The following TCP11L1 variants were observed in gnomAD, a reference collection of about 807,000 sequenced individuals.
TCP11L1 encodes the protein t-complex 11 like 1.
A neutral mutation model predicts 48.9 loss-of-function variants in TCP11L1; 28 were observed. The observed-to-expected ratio is 0.57, with a 90% CI of 0.42 to 0.78. The LOEUF (loss-of-function observed/expected upper bound fraction) is 0.78. Among genes scored for constraint, TCP11L1 ranks in the 30% least tolerant of loss-of-function variants. TCP11L1 has a pLI of 0.00. For missense variants in TCP11L1, 505 were observed against 613.4 expected (o/e 0.82, Z 1.87); for synonymous variants, 204 against 231.9 (o/e 0.88, Z 1.09).
intron 6 of TCP11L1, among the ~76,000 whole-genome samples, chr11:33,060,361 G>C (rs977277987): frequency 6.6e-6 from 1 of 152,140 alleles, no homozygotes; most frequent in Non-Finnish European, 1.5e-5. Flanking sequence ...GGGGGGTTAC[G>C]GAGAATATTA....
chr11:33,064,019 CCTTAGATACCCCTG>C (rs1854539469), intron 7 of TCP11L1, among the ~76,000 whole-genome samples: 1 of 152,110 alleles, frequency 6.6e-6, no homozygotes, highest in African/African-American at 2.4e-5. Flanking sequence ...CTTCCCCAGG[CCTTAGATACCCCTG>C]CTTCTTCATC....
At chr11:33,071,994 C>T (rs1005137044) in intron 9 of TCP11L1, among the ~76,000 whole-genome samples, 2 of 152,042 alleles carry the variant, frequency 1.3e-5, no homozygotes, top group African/African-American at 2.4e-5. Context: ...AACAGGTGTG[C>T]GCCACCACAC....
At chr11:33,044,876 T>C (rs918146279) in intron 2 of TCP11L1, among the ~76,000 whole-genome samples, 1 of 152,224 alleles carries the variant, frequency 6.6e-6, no homozygotes, top group Non-Finnish European at 1.5e-5. Flanking sequence ...TATGTGTAGT[T>C]AGAAAGCTTC....
intron 2 of TCP11L1, among the ~76,000 whole-genome samples, chr11:33,048,378 G>A (rs1450632416): frequency 1.3e-5 from 2 of 152,058 alleles, no homozygotes; most frequent in African/African-American, 2.4e-5. Flanking sequence ...AGGTGAAGAC[G>A]TGTTGTCCAC....
intron 2 of TCP11L1, among the ~76,000 whole-genome samples, chr11:33,052,888 G>A (rs1040391175): frequency 5.6e-4 from 86 of 152,248 alleles, no homozygotes; most frequent in African/African-American, 2.0e-3. Context: ...GGCTACTTGG[G>A]AGGCTAAGGT....
chr11:33,063,341 A>C (rs1487299982), intron 7 of TCP11L1, among the ~76,000 whole-genome samples: 1 of 152,154 alleles, frequency 6.6e-6, no homozygotes, highest in African/African-American at 2.4e-5. Flanking sequence ...CGTACCTAGG[A>C]TTAGAATTGC....
chr11:33,055,169 A>T (rs1335833421), intron 3 of TCP11L1, among the ~76,000 whole-genome samples: 1 of 152,268 alleles, frequency 6.6e-6, no homozygotes, highest in Non-Finnish European at 1.5e-5. Context: ...TTATAATTAT[A>T]AAAATGCCAT....
At chr11:33,044,426 A>G (rs984716838) in intron 2 of TCP11L1, among the ~76,000 whole-genome samples, 2 of 152,246 alleles carry the variant, frequency 1.3e-5, no homozygotes, top group African/African-American at 4.8e-5. Flanking sequence ...CCTGGCAAGG[A>G]GCAAGCCTCT....
intron 2 of TCP11L1, 88 bp from the exon 3 acceptor site, chr11:33,054,505 T>C: frequency 6.7e-7 from 1 of 1,481,708 alleles, no homozygotes; most frequent in Non-Finnish European, 9.1e-7. Context: ...ACTGAAATTA[T>C]TGTCTGGTAC....
At chr11:33,046,061 T>C (rs768721846) in intron 2 of TCP11L1, among the ~76,000 whole-genome samples, 2 of 152,270 alleles carry the variant, frequency 1.3e-5, no homozygotes, top group African/African-American at 4.8e-5. Flanking sequence ...GGCCACGCCC[T>C]GAGCCCTGGA....
At chr11:33,069,751 A>G (rs886097052) in intron 9 of TCP11L1, among the ~76,000 whole-genome samples, 5 of 152,112 alleles carry the variant, frequency 3.3e-5, no homozygotes, top group African/African-American at 4.8e-5. Flanking sequence ...GACTACAGGC[A>G]TGCACCACCA....
chr11:33,056,864 G>A (rs1854324310), intron 3 of TCP11L1: 1 of 495,900 alleles, frequency 2.0e-6, no homozygotes, highest in Non-Finnish European at 3.6e-6. Flanking sequence ...GTCATATGCT[G>A]TTTCTTGGAT....
At chr11:33,055,840 T>TG (rs1166273834) in intron 3 of TCP11L1, among the ~76,000 whole-genome samples, 8 of 152,176 alleles carry the variant, frequency 5.3e-5, no homozygotes, top group Non-Finnish European at 1.2e-4. Context: ...TTTTTTGAGA[T>TG]GGAGTGTCGC....
At chr11:33,052,919 A>T (rs1182011020) in intron 2 of TCP11L1, among the ~76,000 whole-genome samples, 1 of 152,128 alleles carries the variant, frequency 6.6e-6, no homozygotes, top group East Asian at 1.9e-4. Flanking sequence ...TTTGAGCCTG[A>T]GAGGTTGAGG....
At position 33,072,800 on chromosome 11, in the gene TCP11L1, GA is replaced by G. The variant is rs1286732722; in HGVS notation, c.*126del. Reference sequence around the variant, plus strand: ...TATTTAACAGCACCGATTCCAAAGGGAAGAATATTGTGTATCACTGTTGAAA... The same window carrying G: ...TATTTAACAGCACCGATTCCAAAGGGAGAATATTGTGTATCACTGTTGAAA... On this transcript the variant is annotated 3_prime_UTR_variant, in exon 10 of 10. Coordinates refer to ENST00000334274, the MANE Select transcript of TCP11L1 (RefSeq NM_018393.4). The G allele has an allele frequency of 9.8e-7, 1 of 1,018,128 alleles. No individual in the cohort carries two copies. The highest frequency in any genetic ancestry group is 1.6e-5 in the African/African-American group (1 of 62,722). 63.1% of individuals were successfully genotyped at this position (1,018,128 alleles called of 1,614,324 possible). A position where few individuals can be genotyped will look rare whatever the true frequency, so the allele number is the denominator to read the frequency against.
intron 2 of TCP11L1, among the ~76,000 whole-genome samples, chr11:33,045,778 T>C (rs1942512046): frequency 6.6e-6 from 1 of 152,098 alleles, no homozygotes; most frequent in African/African-American, 2.4e-5. Context: ...CCAATGCTAG[T>C]ATGGAGGCTG....
At chr11:33,067,846 A>G (rs1006937138) in intron 8 of TCP11L1, among the ~76,000 whole-genome samples, 5 of 152,154 alleles carry the variant, frequency 3.3e-5, no homozygotes, top group Non-Finnish European at 7.4e-5. Context: ...GACCCAGGGT[A>G]TCCAGGTACT....
In TCP11L1 at chr11:33,068,847, C is replaced by T. The variant is rs768450607; in HGVS notation, c.1315C>T (p.Arg439Cys). Reference protein sequence around the residue: ...QAVASPDDPIRRIMESRILTF... With the variant: ...QAVASPDDPICRIMESRILTF... ...CGTGGCCAGTCCCGATGACCCCATT[C>T]GCAGGATCATGGGTACGTTTGGGGA... Residue 439 changes from arginine to cysteine, a missense_variant, in exon 9 of 10, where the codon CGC (arginine) becomes TGC (cysteine). Arg to Cys is a radical substitution (Grantham distance 180). This residue lies in a region of TCP11L1 where 335 missense variants were observed against 413.3 expected (regional missense o/e 0.81). Coordinates refer to ENST00000334274, the MANE Select transcript of TCP11L1 (RefSeq NM_018393.4). 3.1e-6 allele frequency: 5 copies of T among 1,612,996 alleles called. No homozygotes were observed. Among genetic ancestry groups the T allele is most frequent in the South Asian group, 2.2e-5 (2 of 91,038 alleles).
In TCP11L1 at chr11:33,059,045, C is replaced by T; in HGVS notation, c.725C>T (p.Ser242Leu). Residue 242 changes from serine to leucine, a missense_variant, in exon 6 of 10, where the codon TCA becomes TTA. By Grantham distance (145) the Ser-to-Leu change is moderately radical (BLOSUM62 -2). Coordinates refer to ENST00000334274, the MANE Select transcript of TCP11L1 (RefSeq NM_018393.4). ...SSIRPHLMQQ[S>L]VEYERKKFQE... ...ATCAGGCCTCATCTCATGCAGCAGT[C>T]AGTTGAATACGAAAGGAAGAAGTTT... The T allele has an allele frequency of 6.2e-7, 1 of 1,614,142 alleles. No homozygotes were observed. Among genetic ancestry groups the T allele is most frequent in the East Asian group, 2.2e-5 (1 of 44,880 alleles).
Sources: gnomAD v4.1 joint callset for allele counts (sites outside exome capture counted in the v4.1 genomes callset) on GRCh38, gnomAD v4.1.1 for gene constraint, gnomAD v4.1.1 regional missense constraint, MANE v1.5 for transcripts, NCBI Gene and HGNC (gene_info 2026-07-23, HGNC 2026-07-21) for gene names.